PCDHGA7: variants seen among roughly 807,000 people sequenced by gnomAD.
PCDHGA7 encodes the protein protocadherin gamma-A7.
PCDHGA7 carries 44 observed loss-of-function variants against 58.3 expected under a neutral mutation model. The observed-to-expected ratio is 0.75, with a 90% confidence interval of 0.59 to 0.97. The LOEUF is 0.97. Among genes scored for constraint, PCDHGA7 ranks in the 50% least tolerant of loss-of-function variants. PCDHGA7 has a pLI of 0.00. For missense variants in PCDHGA7, 1,266 were observed against 1,188.7 expected, an observed-to-expected ratio of 1.06 and a Z score of -0.96; for synonymous variants, 516 against 504.2, an observed-to-expected ratio of 1.02 and a Z score of -0.31.
chr5:141,401,546 ATGCTATT>A (rs1372970930), intron 1 of PCDHGA7, among the ~76,000 whole-genome samples: 1 of 152,214 alleles, frequency 6.6e-6, no homozygotes, highest in African/African-American at 2.4e-5. Context: ...AAAAAAGGAA[ATGCTATT>A]GCCTGAATTT....
chr5:141,450,823 A>ATT (rs1453980247), intron 1 of PCDHGA7, among the ~76,000 whole-genome samples: 2 of 133,076 alleles, frequency 1.5e-5, no homozygotes, highest in East Asian at 2.2e-4. Flanking sequence ...TAATATTATT[A>ATT]TTATTATTTT....
At chr5:141,483,122 A>G (rs1159736878) in intron 1 of PCDHGA7, among the ~76,000 whole-genome samples, 1 of 152,166 alleles carries the variant, frequency 6.6e-6, no homozygotes, top group Non-Finnish European at 1.5e-5. Context: ...CAGTCTTTGT[A>G]GGAGATGAGG....
At chr5:141,422,957 A>C in intron 1 of PCDHGA7, 1 of 1,614,190 alleles carries the variant, frequency 6.2e-7, no homozygotes. Flanking sequence ...ACTGGCGTGG[A>C]GCTGGCGCCC....
intron 1 of PCDHGA7, among the ~76,000 whole-genome samples, chr5:141,473,404 T>A (rs953797915): frequency 6.6e-6 from 1 of 152,226 alleles, no homozygotes; most frequent in Non-Finnish European, 1.5e-5. Flanking sequence ...TCTTTTTTTC[T>A]TCTTCAGTGG....
rs868008554 is a variant in PCDHGA7, at chr5:141,431,417, C to T, written c.2424+46094C>T. 1 of 1,613,666 alleles carries T rather than the reference C, an allele frequency of 6.2e-7. No homozygotes were observed. Among genetic ancestry groups the T allele is most frequent in the South Asian group, 1.1e-5 (1 of 91,082 alleles). ...CCTTACGGCCTCCGACGGGGGCGAC[C>T]CGGTGCGCACAGGCACCGCGCGCAT... On this transcript the variant is annotated intron_variant, in intron 1 of 3. Transcript: ENST00000518325. This position sits in a 1 kb window ranked among gnomAD's most constrained non-coding sequence, Gnocchi z 4.8.
intron 1 of PCDHGA7, chr5:141,433,208 C>CT (rs745329085): frequency 0.022 from 27,155 of 1,216,152 alleles, no homozygotes; most frequent in Non-Finnish European, 0.026. Flanking sequence ...AATCTTCTTT[C>CT]TTTTTTTTTT....
rs2154584583 is a variant in PCDHGA7, at chr5:141,490,717, A to G, written c.2425-4090A>G. The G allele has an allele frequency of 6.2e-7, 1 of 1,613,972 alleles. No individual in the cohort carries two copies. Among genetic ancestry groups the G allele is most frequent in the Non-Finnish European group, 8.5e-7 (1 of 1,179,936 alleles). On this transcript the variant is annotated intron_variant, in intron 1 of 3. Coordinates refer to ENST00000518325, the MANE Select transcript of PCDHGA7 (RefSeq NM_018920.4). The surrounding 1 kb of genome is among the most constrained non-coding windows in gnomAD (Gnocchi z 5.4). ...GGATAATGCCCGCCTCACCTACTCC[A>G]TTGTAGGAAATCAGGTTCAGGGAGC...
rs143278253 is a variant in PCDHGA7 at position 141,476,491 on chromosome 5, C to T, written c.2425-18316C>T. 9.5e-5 allele frequency: 153 copies of T among 1,613,894 alleles called. No individual in the cohort carries two copies. The highest frequency in any genetic ancestry group is 5.4e-5 in the Non-Finnish European group (64 of 1,180,020). On this transcript the variant is annotated intron_variant, in intron 1 of 3. Transcript: ENST00000518325. This position sits in a 1 kb window ranked among gnomAD's most constrained non-coding sequence, Gnocchi z 7.6. ...AGCTGTTCAGCGTGGAAGTGGTGAT[C>T]CAGGACATCAACGACAACAATCCTG... is the stretch of plus-strand genomic sequence containing the variant.
intron 1 of PCDHGA7, chr5:141,393,662 A>G (rs1442061423): frequency 6.2e-7 from 1 of 1,613,816 alleles, no homozygotes; most frequent in African/African-American, 1.3e-5. Context: ...AATTCCGGAA[A>G]ATTAATGAAA....
At chr5:141,435,271 T>C (rs1242477213) in intron 1 of PCDHGA7, among the ~76,000 whole-genome samples, 1 of 152,216 alleles carries the variant, frequency 6.6e-6, no homozygotes, top group African/African-American at 2.4e-5. Context: ...CCATTTATAC[T>C]TTCTCAGTAT....
chr5:141,472,290 C>T (rs2099275934), intron 1 of PCDHGA7, among the ~76,000 whole-genome samples: 2 of 152,096 alleles, frequency 1.3e-5, no homozygotes, highest in Admixed American at 6.6e-5. Flanking sequence ...ACCTGTAATC[C>T]CAGCACTTTG....
Position 141,487,613 on chromosome 5 carries a change from G to C in PCDHGA7, c.2425-7194G>C, listed in dbSNP as rs1460090760. 1 of 1,614,218 alleles carries C rather than the reference G, an allele frequency of 6.2e-7. No homozygotes were observed. ...ACCCTCTGATCTTCTCTATGGGCTA[G>C]AGGTGAGACCTTTGCAGGCTCAACA... On this transcript the variant is annotated intron_variant, in intron 1 of 3. Coordinates refer to ENST00000518325, the MANE Select transcript of PCDHGA7 (RefSeq NM_018920.4). The surrounding 1 kb of genome is among the most constrained non-coding windows in gnomAD (Gnocchi z 5.0).
At position 141,491,039 on chromosome 5, in the gene PCDHGA7, G is replaced by T; in HGVS notation, c.2425-3768G>T. 1 of 1,614,180 alleles carries T rather than the reference G, an allele frequency of 6.2e-7. No individual in the cohort carries two copies. The highest frequency in any genetic ancestry group is 1.1e-5 in the South Asian group (1 of 91,090). ...GTGACAGCCGTGGATGCTGATGCAGGCCACAATGCGTGGCTCTCCTACTCA... is the reference window on the plus strand; with the variant it reads ...GTGACAGCCGTGGATGCTGATGCAGTCCACAATGCGTGGCTCTCCTACTCA... On this transcript the variant is annotated intron_variant, in intron 1 of 3. Transcript: ENST00000518325. The surrounding 1 kb of genome is among the most constrained non-coding windows in gnomAD (Gnocchi z 6.9).
intron 1 of PCDHGA7, among the ~76,000 whole-genome samples, chr5:141,456,483 CTTAATA>C (rs2098861684): frequency 1.3e-5 from 2 of 152,072 alleles, no homozygotes; most frequent in African/African-American, 4.8e-5. Context: ...CAAGAGAGTG[CTTAATA>C]AAGGGGTTAA....
intron 1 of PCDHGA7, chr5:141,421,750 C>G: frequency 6.2e-7 from 1 of 1,613,906 alleles, no homozygotes; most frequent in East Asian, 2.2e-5. Flanking sequence ...CCAGCTCAGC[C>G]CTAATAATTA....
chr5:141,469,511 G>A (rs2099203340), intron 1 of PCDHGA7, among the ~76,000 whole-genome samples: 1 of 152,038 alleles, frequency 6.6e-6, no homozygotes, highest in African/African-American at 2.4e-5. Flanking sequence ...GGAGGTGGAG[G>A]TTGCAGTGAG....
rs1334965321 is a variant in PCDHGA7, at chr5:141,432,195, C to T, written c.2424+46872C>T. 3 of 1,614,088 alleles carry T rather than the reference C, an allele frequency of 1.9e-6. No homozygotes were observed. The Admixed American group carries it at 5.0e-5, about 27-fold the overall frequency. ...CTCGTCTCTGTGACCGCCCACGACC[C>T]CGACTGTGAAGAGAACGCCCAGATC... On this transcript the variant is annotated intron_variant, in intron 1 of 3. Transcript: ENST00000518325. This position sits in a 1 kb window ranked among gnomAD's most constrained non-coding sequence, Gnocchi z 6.0.
chr5:141,486,284 C>G lies in PCDHGA7; in HGVS notation c.2425-8523C>G, dbSNP rs1259853159. ...TGCAGAACCTGGCACTGTGGTGGCA[C>G]TTATCAGTGTGCAGGATCCAGACTC... On this transcript the variant is annotated intron_variant, in intron 1 of 3. Transcript: ENST00000518325. This position sits in a 1 kb window ranked among gnomAD's most constrained non-coding sequence, Gnocchi z 5.0. The G allele has an allele frequency of 6.2e-7, 1 of 1,614,050 alleles. No homozygotes were observed. The highest frequency in any genetic ancestry group is 8.5e-7 in the Non-Finnish European group (1 of 1,179,988).
intron 1 of PCDHGA7, among the ~76,000 whole-genome samples, chr5:141,446,322 C>A (rs1561922470): frequency 2.0e-5 from 3 of 151,968 alleles, no homozygotes; most frequent in South Asian, 4.1e-4. Flanking sequence ...TGGGTTTCCA[C>A]ATTAAGGAAC....
Sources: gnomAD v4.1 joint callset for allele counts (sites outside exome capture counted in the v4.1 genomes callset) on GRCh38, gnomAD v4.1.1 for gene constraint, Gnocchi (gnomAD v3.1) non-coding constraint, MANE v1.5 for transcripts, NCBI Gene and HGNC (gene_info 2026-07-23, HGNC 2026-07-21) for gene names.